Variants in TSPAN5 observed in about 807,000 individuals in gnomAD.
The protein encoded by TSPAN5 is tetraspanin-5.
In TSPAN5, 10 loss-of-function variants were observed where a neutral mutation model predicts 37.1. The observed-to-expected ratio is 0.27, with a 90% CI of 0.17 to 0.46. The LOEUF (loss-of-function observed/expected upper bound fraction) is 0.46. Ranked by LOEUF, TSPAN5 falls within the 20% of genes least tolerant of loss-of-function variation. The pLI is 1.00. For missense variants in TSPAN5, 195 were observed against 326.6 expected, an observed-to-expected ratio of 0.60 and a Z score of 3.11; for synonymous variants, 110 against 118.9, an observed-to-expected ratio of 0.93 and a Z score of 0.48.
At position 98,472,428 on chromosome 4, in the gene TSPAN5, A is replaced by T; in HGVS notation, c.*94T>A. The stretch of plus-strand genomic sequence containing the variant: ...GGCGAGACTGCAGGCTGCATCTGTG[A>T]TTAGGTCCATGCAGCTCGAAGATCA... On this transcript the variant is annotated 3_prime_UTR_variant, in exon 8 of 8. Coordinates refer to ENST00000305798, the MANE Select transcript of TSPAN5 (RefSeq NM_005723.4). 1 of 1,090,936 alleles carries T rather than the reference A, an allele frequency of 9.2e-7. No homozygotes were observed. The highest frequency in any genetic ancestry group is 1.4e-6 in the Non-Finnish European group (1 of 728,804). 67.6% of individuals were successfully genotyped at this position (1,090,936 alleles called of 1,614,324 possible). A position where few individuals can be genotyped will look rare whatever the true frequency, so the allele number is the denominator to read the frequency against.
intron 2 of TSPAN5, among the ~76,000 whole-genome samples, chr4:98,488,929 A>G (rs1213260027): frequency 6.6e-6 from 1 of 152,190 alleles, no homozygotes; most frequent in African/African-American, 2.4e-5. Flanking sequence ...CAACAGTGCT[A>G]AAGGCCCAGG....
At chr4:98,504,712 C>T (rs1404633868) in intron 2 of TSPAN5, among the ~76,000 whole-genome samples, 1 of 152,126 alleles carries the variant, frequency 6.6e-6, no homozygotes, top group Admixed American at 6.5e-5. Context: ...TATTGCCAAA[C>T]AAGGAAATGG....
At chr4:98,496,686 C>G (rs1753220600) in intron 2 of TSPAN5, 1 of 152,208 alleles carries the variant, frequency 6.6e-6, no homozygotes, top group Non-Finnish European at 1.5e-5. Flanking sequence ...ACTACCATCT[C>G]TACACACTCT....
intron 1 of TSPAN5, among the ~76,000 whole-genome samples, chr4:98,582,197 T>C (rs1453374577): frequency 2.6e-5 from 4 of 152,236 alleles, no homozygotes; most frequent in Non-Finnish European, 5.9e-5. Flanking sequence ...GTCCAGCGCA[T>C]AGCCGCTGGG....
At chr4:98,508,990 G>A (rs987473443) in intron 1 of TSPAN5, among the ~76,000 whole-genome samples, 6 of 152,056 alleles carry the variant, frequency 3.9e-5, no homozygotes, top group African/African-American at 1.4e-4. Context: ...TTTTGTAACT[G>A]GGGCGACACA....
At chr4:98,582,775 CTA>C (rs1371973030) in intron 1 of TSPAN5, among the ~76,000 whole-genome samples, 2 of 152,198 alleles carry the variant, frequency 1.3e-5, no homozygotes, top group Non-Finnish European at 2.9e-5. Context: ...ACTGACCCCA[CTA>C]TATTGTAAAC....
intron 1 of TSPAN5, among the ~76,000 whole-genome samples, chr4:98,526,228 G>A (rs1753960105): frequency 6.6e-6 from 1 of 152,146 alleles, no homozygotes; most frequent in Non-Finnish European, 1.5e-5. Flanking sequence ...CAGGAAACAG[G>A]AAAATTGAGA....
At chr4:98,579,564 C>A (rs987091804) in intron 1 of TSPAN5, among the ~76,000 whole-genome samples, 2 of 152,164 alleles carry the variant, frequency 1.3e-5, no homozygotes, top group African/African-American at 2.4e-5. Flanking sequence ...TTAACCATTT[C>A]TTTGAAATAA....
Position 98,558,974 on chromosome 4 carries a change from C to T in TSPAN5, c.82-51246G>A, listed in dbSNP as rs142064094. On this transcript the variant is annotated intron_variant, in intron 1 of 7. Coordinates refer to ENST00000305798, the MANE Select transcript of TSPAN5 (RefSeq NM_005723.4). Reference sequence around the variant, plus strand: ...AATGCCCTCACTTAAATAACAAAGACACAGAATAAGCCAGAAGAAATAACT... The same window carrying T: ...AATGCCCTCACTTAAATAACAAAGATACAGAATAAGCCAGAAGAAATAACT... 2.0e-3 allele frequency among the ~76,000 whole-genome samples: 301 copies of T among 152,274 alleles called. 3 individuals are homozygous for T. The highest frequency in any genetic ancestry group is 0.01 in the Middle Eastern group (3 of 294).
intron 2 of TSPAN5, among the ~76,000 whole-genome samples, chr4:98,504,735 G>T (rs1753435920): frequency 2.0e-5 from 3 of 152,228 alleles, no homozygotes; most frequent in African/African-American, 7.2e-5. Flanking sequence ...TCTCAGAGAA[G>T]TTAACTCAGT....
intron 1 of TSPAN5, among the ~76,000 whole-genome samples, chr4:98,598,010 G>A (rs1268325752): frequency 3.1e-5 from 3 of 96,170 alleles, no homozygotes; most frequent in Non-Finnish European, 5.7e-5. Flanking sequence ...GCAAGCCTGG[G>A]CAATGGCGGG....
chr4:98,561,520 A>AT (rs748713057), intron 1 of TSPAN5, among the ~76,000 whole-genome samples: 17 of 152,262 alleles, frequency 1.1e-4, no homozygotes, highest in Non-Finnish European at 2.4e-4. Context: ...AAGTAGGTCA[A>AT]TAAGTAATTG....
chr4:98,625,358 G>A (rs577302675), intron 1 of TSPAN5, among the ~76,000 whole-genome samples: 38 of 152,268 alleles, frequency 2.5e-4, no homozygotes, highest in African/African-American at 8.7e-4. Flanking sequence ...GAGTTGCCCA[G>A]TCACACTGAT....
chr4:98,537,323 G>T (rs952267939), intron 1 of TSPAN5, among the ~76,000 whole-genome samples: 1 of 152,138 alleles, frequency 6.6e-6, no homozygotes, highest in South Asian at 2.1e-4. Context: ...GGCTGCACCC[G>T]CTGTCCAACC....
At chr4:98,504,164 T>C (rs1333057922) in intron 2 of TSPAN5, among the ~76,000 whole-genome samples, 3 of 152,238 alleles carry the variant, frequency 2.0e-5, no homozygotes, top group Non-Finnish European at 2.9e-5. Flanking sequence ...GAAAATGTGT[T>C]TCTTCCAGTG....
chr4:98,639,411 G>A (rs1289152740), intron 1 of TSPAN5, among the ~76,000 whole-genome samples: 1 of 152,062 alleles, frequency 6.6e-6, no homozygotes, highest in African/African-American at 2.4e-5. Context: ...TTGAACTTCT[G>A]GGCTCAAGTA....
In TSPAN5 at chr4:98,471,217, T is replaced by C. The variant is rs1752576021; in HGVS notation, c.*1305A>G. On this transcript the variant is annotated 3_prime_UTR_variant, in exon 8 of 8. Coordinates refer to ENST00000305798, the MANE Select transcript of TSPAN5 (RefSeq NM_005723.4). ...CTATGGCCATGCACTATTTTCTTTT[T>C]TTAATAAAAGCAAACTAAAACTGGA... 6.6e-6 allele frequency: 1 copy of C among 152,232 alleles called. No individual in the cohort carries two copies. The highest frequency in any genetic ancestry group is 2.4e-5 in the African/African-American group (1 of 41,450). 9.4% of individuals were successfully genotyped at this position (152,232 alleles called of 1,614,324 possible).
chr4:98,490,193 G>A (rs139018480), intron 2 of TSPAN5, among the ~76,000 whole-genome samples: 100 of 152,248 alleles, frequency 6.6e-4, no homozygotes, highest in African/African-American at 2.3e-3. Flanking sequence ...ATCCATGGTT[G>A]TACATAAAGA....
intron 1 of TSPAN5, among the ~76,000 whole-genome samples, chr4:98,651,545 T>C (rs1757185268): frequency 6.6e-6 from 1 of 152,230 alleles, no homozygotes; most frequent in African/African-American, 2.4e-5. Context: ...CAACTGTTTG[T>C]GTGATAGCCA....
Sources: allele counts gnomAD v4.1 joint callset (sites outside exome capture counted in the v4.1 genomes callset), GRCh38; gene constraint gnomAD v4.1.1; transcripts MANE v1.5; gene names NCBI Gene and HGNC (gene_info 2026-07-23, HGNC 2026-07-21).